The following CDKN2B-AS1 variants were observed in gnomAD, a reference collection of about 807,000 sequenced individuals.
CDKN2B-AS1 encodes the protein CDKN2B antisense RNA 1 (non-protein coding).
chr9:22,046,416 G>A (rs1427558640), intron 1 of CDKN2B-AS1: 2 of 152,026 alleles, frequency 1.3e-5, no homozygotes, highest in Non-Finnish European at 2.9e-5. Flanking sequence ...TTAACCACTG[G>A]ACTACCTGCC....
chr9:22,079,495 A>G (rs923164139), intron 4 of CDKN2B-AS1, among the ~76,000 whole-genome samples: 5 of 149,962 alleles, frequency 3.3e-5, no homozygotes, highest in African/African-American at 1.3e-4. Context: ...GTGACAGAGC[A>G]AAACACCATC....
At chr9:22,076,987 C>T (rs975765480) in intron 4 of CDKN2B-AS1, among the ~76,000 whole-genome samples, 11 of 152,130 alleles carry the variant, frequency 7.2e-5, no homozygotes, top group Admixed American at 5.9e-4. Context: ...GCCTGGCCTA[C>T]AATGCACTAA....
At position 22,080,211 on chromosome 9, in the gene CDKN2B-AS1, TC is replaced by T. The variant is rs530047157; in HGVS notation, n.438+23828del. Among the ~76,000 whole-genome samples, 4 of 152,328 alleles carry T rather than the reference TC, an allele frequency of 2.6e-5. No homozygotes were observed. The South Asian group carries it at 8.3e-4, about 32-fold the overall frequency. ...GTTTATGTGTGAAAGGATTGGGTTT[TC>T]CCCAAGCTGTTTGGTAATGTTGCAA... On this transcript the variant is annotated intron_variant and non_coding_transcript_variant, in intron 4 of 4. Coordinates refer to ENST00000650946, the Ensembl canonical transcript of CDKN2B-AS1.
intron 4 of CDKN2B-AS1, among the ~76,000 whole-genome samples, chr9:22,100,774 A>G (rs530095581): frequency 2.6e-5 from 4 of 152,346 alleles, no homozygotes; most frequent in Admixed American, 6.5e-5. Flanking sequence ...CTAACAATGT[A>G]TGGAGGTTCC....
chr9:22,091,085 T>A (rs1297188563), intron 4 of CDKN2B-AS1, among the ~76,000 whole-genome samples: 1 of 152,214 alleles, frequency 6.6e-6, no homozygotes, highest in Non-Finnish European at 1.5e-5. Context: ...AAATAGGGAA[T>A]CCTTTCCCCA....
At chr9:22,007,379 A>G (rs1821243350) in intron 1 of CDKN2B-AS1, among the ~76,000 whole-genome samples, 2 of 152,056 alleles carry the variant, frequency 1.3e-5, no homozygotes, top group African/African-American at 4.8e-5. Flanking sequence ...AAATAAATAA[A>G]TAAATAAATA....
intron 4 of CDKN2B-AS1, among the ~76,000 whole-genome samples, chr9:22,110,625 T>A (rs990041317): frequency 2.0e-5 from 3 of 152,174 alleles, no homozygotes; most frequent in African/African-American, 4.8e-5. Context: ...ACTATGATTA[T>A]TTTTTGTGTC....
rs1820929879 is a variant in CDKN2B-AS1, at chr9:22,001,813, AGAG to A, written n.29+6653_29+6655del. Among the ~76,000 whole-genome samples, 1 of 152,112 alleles carries A rather than the reference AGAG, an allele frequency of 6.6e-6. No homozygotes were observed. On this transcript the variant is annotated intron_variant and non_coding_transcript_variant, in intron 1 of 4. Transcript: ENST00000650946. The surrounding 1 kb of genome is among the most constrained non-coding windows in gnomAD (Gnocchi z 4.2). Reference sequence around the variant, plus strand: ...CTTTTCAGGTATGAAGGATAGTAGTAGAGATGTTACATGAGTTAGCACTCATAT... The same window carrying A: ...CTTTTCAGGTATGAAGGATAGTAGTAATGTTACATGAGTTAGCACTCATAT...
intron 1 of CDKN2B-AS1, among the ~76,000 whole-genome samples, chr9:22,040,500 A>C (rs1822854513): frequency 6.6e-6 from 1 of 151,980 alleles, no homozygotes; most frequent in African/African-American, 2.4e-5. Context: ...ATCATAACCA[A>C]CATCAGACTG....
intron 3 of CDKN2B-AS1, among the ~76,000 whole-genome samples, chr9:22,049,434 G>A (rs183927124): frequency 6.6e-6 from 1 of 152,052 alleles, no homozygotes; most frequent in African/African-American, 2.4e-5. Flanking sequence ...GTATAAGTCC[G>A]AAAGGTGCTT....
chr9:22,014,112 A>G (rs564558024), intron 1 of CDKN2B-AS1, among the ~76,000 whole-genome samples: 153 of 152,046 alleles, frequency 1.0e-3, no homozygotes, highest in Non-Finnish European at 1.4e-3. Context: ...GTGATATTCT[A>G]ATTTTACTAT....
At chr9:22,111,695 C>T (rs1043750064) in intron 4 of CDKN2B-AS1, among the ~76,000 whole-genome samples, 1 of 152,066 alleles carries the variant, frequency 6.6e-6, no homozygotes, top group East Asian at 1.9e-4. Context: ...TTCGCAATAC[C>T]TAACACTTAT....
At chr9:22,114,575 G>T (rs1413156494) in intron 4 of CDKN2B-AS1, among the ~76,000 whole-genome samples, 1 of 152,186 alleles carries the variant, frequency 6.6e-6, no homozygotes, top group African/African-American at 2.4e-5. Context: ...AAGCTGATTA[G>T]GAGTATTTAA....
chr9:22,067,021 A>C (rs554796746), intron 4 of CDKN2B-AS1, among the ~76,000 whole-genome samples: 38 of 152,240 alleles, frequency 2.5e-4, no homozygotes, highest in African/African-American at 7.7e-4. Flanking sequence ...CAATGAGAAC[A>C]CTTGGACACA....
rs143738155 is a variant in CDKN2B-AS1, at chr9:22,094,688, G to T, written n.439-32415G>T. Among the ~76,000 whole-genome samples, 5 of 143,802 alleles carry T rather than the reference G, an allele frequency of 3.5e-5. No homozygotes were observed. In the South Asian group the frequency reaches 1.1e-3, roughly 31 times the overall value. 94.3% of individuals were successfully genotyped at this position (143,802 alleles called of 152,430 possible). Reference sequence around the variant, plus strand: ...TCAGGTCCTTTAAAGACTTCTCTGCGTTGGTTATTCTAGTTAGCCATTTGT... The same window carrying T: ...TCAGGTCCTTTAAAGACTTCTCTGCTTTGGTTATTCTAGTTAGCCATTTGT... On this transcript the variant is annotated intron_variant and non_coding_transcript_variant, in intron 4 of 4. Transcript: ENST00000650946.
chr9:22,069,265 G>A (rs1824191864), intron 4 of CDKN2B-AS1, among the ~76,000 whole-genome samples: 1 of 152,082 alleles, frequency 6.6e-6, no homozygotes, highest in South Asian at 2.1e-4. Context: ...GGTAATAGAG[G>A]AGTAGCAAAA....
At chr9:22,060,688 A>G (rs981276259) in intron 4 of CDKN2B-AS1, among the ~76,000 whole-genome samples, 12 of 152,226 alleles carry the variant, frequency 7.9e-5, no homozygotes, top group African/African-American at 2.9e-4. Context: ...GCTGATAAAG[A>G]CATACCTGAA....
Position 22,006,190 on chromosome 9 carries a change from G to A in CDKN2B-AS1, n.29+11029G>A, listed in dbSNP as rs368412874. On this transcript the variant is annotated intron_variant and non_coding_transcript_variant, in intron 1 of 4. Transcript: ENST00000650946. The surrounding 1 kb of genome is among the most constrained non-coding windows in gnomAD (Gnocchi z 6.4). ...AGAGTGGCAGGGTCTGCGCAGTTGGGCTCCGCGCCGTGGAGCAGCAGCAGC... is the reference window on the plus strand; with the variant it reads ...AGAGTGGCAGGGTCTGCGCAGTTGGACTCCGCGCCGTGGAGCAGCAGCAGC... The A allele has an allele frequency of 1.9e-6, 3 of 1,609,080 alleles. No individual in the cohort carries two copies. Among genetic ancestry groups the A allele is most frequent in the Non-Finnish European group, 1.7e-6 (2 of 1,179,776 alleles).
chr9:22,108,181 T>C (rs1372472565), intron 4 of CDKN2B-AS1, among the ~76,000 whole-genome samples: 1 of 152,230 alleles, frequency 6.6e-6, no homozygotes, highest in South Asian at 2.1e-4. Context: ...GTAACTTTAC[T>C]GTATTCTGAT....
Sources: gnomAD v4.1 joint callset for allele counts (sites outside exome capture counted in the v4.1 genomes callset) on GRCh38, gnomAD v4.1.1 for gene constraint, Gnocchi (gnomAD v3.1) non-coding constraint, MANE v1.5 for transcripts, NCBI Gene and HGNC (gene_info 2026-07-23, HGNC 2026-07-21) for gene names.